Variants in GSN observed in about 807,000 individuals in gnomAD.
The protein encoded by GSN is gelsolin, also known as actin-depolymerizing factor.
Under a neutral mutation model 85.7 loss-of-function variants are expected in GSN, and 56 were observed. The ratio of observed to expected loss-of-function variants is 0.65; its 90% CI spans 0.53 to 0.82. GSN has a LOEUF of 0.82. GSN is among the 40% of genes least tolerant of loss of function. The pLI, the probability that GSN is intolerant of heterozygous loss-of-function variation, is 0.00. For missense variants in GSN, 857 were observed against 979.8 expected (o/e 0.87, Z 1.67); for synonymous variants, 373 against 399.1 (o/e 0.93, Z 0.78).
intron 1 of GSN, among the ~76,000 whole-genome samples, chr9:121,278,386 G>T (rs897536848): frequency 6.6e-6 from 1 of 152,152 alleles, no homozygotes; most frequent in Non-Finnish European, 1.5e-5. Flanking sequence ...CTCCCATCAG[G>T]TCTGAAGGCC....
intron 5 of GSN, chr9:121,311,946 G>A (rs746094658): frequency 4.3e-5 from 10 of 232,886 alleles, no homozygotes; most frequent in African/African-American, 1.4e-4. Context: ...ACATACGAAC[G>A]TACTTCTGTC....
chr9:121,300,085 G>T (rs779134911), intron 2 of GSN: 24 of 1,611,536 alleles, frequency 1.5e-5, no homozygotes, highest in South Asian at 2.2e-5. Context: ...AGGAAAAGGG[G>T]AGTAATTCAG....
chr9:121,208,381 A>G (rs1282997960), intron 1 of GSN, among the ~76,000 whole-genome samples: 1 of 152,168 alleles, frequency 6.6e-6, no homozygotes, highest in Non-Finnish European at 1.5e-5. Context: ...CTTAGAATAC[A>G]TGGGTTCAGA....
At chr9:121,286,034 G>C in intron 2 of GSN, 1 of 1,287,864 alleles carries the variant, frequency 7.8e-7, no homozygotes, top group South Asian at 1.3e-5. Context: ...TGCCTGCGGA[G>C]TTGGCTTGGC....
intron 2 of GSN, chr9:121,282,257 G>A: frequency 1.7e-6 from 1 of 596,096 alleles, no homozygotes; most frequent in South Asian, 2.1e-5. Context: ...CAAAGCTGCT[G>A]TGTGGACCCA....
At chr9:121,315,326 T>C (rs2061590241) in intron 7 of GSN, among the ~76,000 whole-genome samples, 1 of 152,240 alleles carries the variant, frequency 6.6e-6, no homozygotes, top group Non-Finnish European at 1.5e-5. Context: ...CAAATCCTGA[T>C]TGATGGACAT....
At chr9:121,312,092 C>A in intron 5 of GSN, 1 of 453,808 alleles carries the variant, frequency 2.2e-6, no homozygotes, top group Non-Finnish European at 3.9e-6. Flanking sequence ...TTTTTGCACA[C>A]ATTCTAGATG....
At chr9:121,258,426 G>A (rs2055012430) in intron 6 of GSN, among the ~76,000 whole-genome samples, 3 of 151,196 alleles carry the variant, frequency 2.0e-5, no homozygotes, top group South Asian at 2.1e-4. Flanking sequence ...TTGCACCACT[G>A]CACTCCAGCC....
chr9:121,228,403 C>CAA (rs1475020604), intron 4 of GSN, among the ~76,000 whole-genome samples: 1 of 63,196 alleles, frequency 1.6e-5, no homozygotes, highest in East Asian at 3.8e-4. Flanking sequence ...CATTGATTAA[C>CAA]ATATATATAT....
chr9:121,230,815 T>C (rs2054373734), intron 4 of GSN, among the ~76,000 whole-genome samples: 1 of 152,200 alleles, frequency 6.6e-6, no homozygotes, highest in Non-Finnish European at 1.5e-5. Context: ...AATCCTGTTA[T>C]TCAGTGGGTT....
intron 7 of GSN, among the ~76,000 whole-genome samples, chr9:121,315,767 T>A (rs3915531): frequency 0.16 from 23,831 of 151,982 alleles, 1,968 homozygotes; most frequent in Admixed American, 0.23. Context: ...GTCTCAAAAA[T>A]AATAATAATA....
rs116819988 is a variant in GSN, at chr9:121,249,156, G to C, written c.-341+833G>C. On this transcript the variant is annotated intron_variant, in intron 6 of 24. Coordinates refer to the GSN transcript ENST00000373823. The stretch of plus-strand genomic sequence containing the variant: ...TTGGCAACAGAGGTGCAGGCAGGAT[G>C]ATGTCTAAGGAGATGCAAGAGACTG... 6.1e-3 allele frequency among the ~76,000 whole-genome samples: 927 copies of C among 152,154 alleles called. 13 individuals carry two copies. The highest frequency in any genetic ancestry group is 0.021 in the African/African-American group (860 of 41,490).
intron 6 of GSN, 146 bp downstream of exon 6, chr9:121,312,634 T>C: frequency 1.4e-6 from 1 of 702,146 alleles, no homozygotes; most frequent in Non-Finnish European, 2.2e-6. Context: ...ACTTTTTTAT[T>C]TTAATTTTTG....
At chr9:121,287,142 G>T (rs1306932477) in intron 2 of GSN, among the ~76,000 whole-genome samples, 10 of 152,160 alleles carry the variant, frequency 6.6e-5, no homozygotes, top group Non-Finnish European at 1.5e-4. Context: ...CTCTTCCCCA[G>T]ATCAGGGAAA....
intron 4 of GSN, among the ~76,000 whole-genome samples, chr9:121,305,234 A>G (rs114232251): frequency 0.014 from 2,059 of 152,266 alleles, 47 homozygotes; most frequent in African/African-American, 0.047. Context: ...TTTAATTCTC[A>G]CTGTAGCCTT....
At chr9:121,244,911 G>C (rs1015336386) in intron 5 of GSN, among the ~76,000 whole-genome samples, 10 of 151,956 alleles carry the variant, frequency 6.6e-5, no homozygotes, top group Non-Finnish European at 1.3e-4. Flanking sequence ...AGAATAGAAA[G>C]GAAGGTACAG....
At position 121,298,374 on chromosome 9, in the gene GSN, A is replaced by G. The variant is rs143960382; in HGVS notation, c.-9-3589A>G. The stretch of plus-strand genomic sequence containing the variant: ...CACGAAGCCTTCTTATAATCTCTCC[A>G]GCCTGAATTGTCTTCTCTGTGTTCC... On this transcript the variant is annotated intron_variant, in intron 2 of 17. Transcript: ENST00000432226. 5.1e-4 allele frequency among the ~76,000 whole-genome samples: 77 copies of G among 152,268 alleles called. No individual in the cohort carries two copies. The Middle Eastern group carries it at 0.01, about 20-fold the overall frequency.
intron 7 of GSN, among the ~76,000 whole-genome samples, chr9:121,315,625 C>T (rs1035039091): frequency 1.3e-5 from 2 of 152,086 alleles, no homozygotes; most frequent in African/African-American, 2.4e-5. Context: ...ATTAGCCAGG[C>T]GTGGTGGCGG....
At chr9:121,300,159 C>T (rs555284449) in intron 2 of GSN, 2 of 1,515,182 alleles carry the variant, frequency 1.3e-6, no homozygotes, top group African/African-American at 1.4e-5. Context: ...GGGGCTCTGG[C>T]TCGCAGACGA....
Sources: allele counts gnomAD v4.1 joint callset (sites outside exome capture counted in the v4.1 genomes callset), GRCh38; gene constraint gnomAD v4.1.1; transcripts MANE v1.5; gene names NCBI Gene and HGNC (gene_info 2026-07-23, HGNC 2026-07-21).